GABRE: variants seen among roughly 807,000 people sequenced by gnomAD.
The protein encoded by GABRE is gamma-aminobutyric acid type A receptor subunit epsilon.
Under a neutral mutation model 31.0 loss-of-function variants are expected in GABRE, and 20 were observed. The ratio of observed to expected loss-of-function variants is 0.64; its 90% CI spans 0.45 to 0.94. The LOEUF is 0.94. Among genes scored for constraint, GABRE ranks in the 40% least tolerant of loss-of-function variants. The pLI is 0.00. For missense variants in GABRE, 420 were observed against 410.7 expected (o/e 1.02, Z -0.20); for synonymous variants, 155 against 150.6 (o/e 1.03, Z -0.21).
At chrX:151,973,387 T>C (rs780210506) in intron 1 of GABRE, among the ~76,000 whole-genome samples, 4 of 111,426 alleles carry the variant, frequency 3.6e-5, no homozygotes, top group Non-Finnish European at 7.5e-5. Flanking sequence ...TTGAGGGATG[T>C]GGATGACTGG....
chrX:151,955,045 G>A lies in GABRE; in HGVS notation c.1177C>T (p.Arg393Cys), dbSNP rs753240533. 1.0e-5 allele frequency: 12 copies of A among 1,200,849 alleles called. No homozygotes were observed. The African/African-American group carries it at 1.4e-4, about 14-fold the overall frequency. ...TGTTGGCGGGCACAGGCTCGGGAAC[G>A]TGCACGGGTACGGGCATGGGCACGG... Reference protein sequence around the residue: ...NSRAHARTRARSRACARQHQE... With the variant: ...NSRAHARTRACSRACARQHQE... Residue 393 changes from arginine to cysteine, a missense_variant, in exon 9 of 9, where the codon CGT (arginine) becomes TGT (cysteine). Physicochemically the swap from Arg to Cys is radical, Grantham distance 180. Coordinates refer to ENST00000370328, the MANE Select transcript of GABRE (RefSeq NM_004961.4).
Position 151,955,461 on chromosome X carries a change from G to A in GABRE, c.1044C>T (p.Phe348=), listed in dbSNP as rs780864713. 1.6e-5 allele frequency: 19 copies of A among 1,209,963 alleles called. No homozygotes were observed. In the East Asian group the frequency reaches 3.0e-4, roughly 19 times the overall value. ...CCAACAGAGCGCAGAAGCAGAAGAC[G>A]AAGCAGATGGCGATATAGAAATCCA... The part of the protein sequence containing the change: ...TALDFYIAIC[F]VFCFCALLEF... The change falls in exon 8 of 9, where the codon TTC becomes TTT. Residue 348 remains phenylalanine (F), a synonymous_variant. Transcript: ENST00000370328.
At chrX:151,974,483 G>T (rs1934834326) in intron 1 of GABRE, 87 bp downstream of exon 1, 3 of 645,300 alleles carry the variant, frequency 4.6e-6, no homozygotes, top group Admixed American at 9.1e-5. Context: ...AGGAACGCGG[G>T]GCCGCTGGGG....
At position 151,970,191 on chromosome X, in the gene GABRE, T is replaced by C; in HGVS notation, c.268A>G (p.Ile90Val). Residue 90 changes from isoleucine (I) to valine (V), a missense_variant, in exon 2 of 9, where the codon ATT (isoleucine) becomes GTT (valine). Physicochemically the swap from Ile to Val is conservative, Grantham distance 29. Coordinates refer to ENST00000370328, the MANE Select transcript of GABRE (RefSeq NM_004961.4). ...SNYDHKLRPG[I>V]GEKPTVVTVE... ...ACGTCGTTCTGCTCCTCACCTCCAATGCCAGGGCGCAGTTTGTGGTCATAA... is the reference window on the plus strand; with the variant it reads ...ACGTCGTTCTGCTCCTCACCTCCAACGCCAGGGCGCAGTTTGTGGTCATAA... 1 of 1,211,554 alleles carries C rather than the reference T, an allele frequency of 8.3e-7. No homozygotes were observed. The highest frequency in any genetic ancestry group is 1.1e-6 in the Non-Finnish European group (1 of 895,529).
chrX:151,962,794 T>C, intron 3 of GABRE, 151 bp from the exon 4 acceptor site: 1 of 484,822 alleles, frequency 2.1e-6, no homozygotes, highest in African/African-American at 2.4e-5. Flanking sequence ...AGGAGTCAGA[T>C]GAGGTCCCTT....
rs1172435225 is a variant in GABRE at position 151,970,350 on chromosome X, C to A, written c.109G>T (p.Val37Phe). The change falls in exon 2 of 9, where the codon GTC becomes TTC. Residue 37 changes from valine to phenylalanine, a missense_variant. Coordinates refer to ENST00000370328, the MANE Select transcript of GABRE (RefSeq NM_004961.4). ...AGAGGCTGGGGCTGGGGGCCATAGA[C>A]AACATCACGGGAAGAGGCTTCATTC... ...SKNEASSRDV[V>F]YGPQPQPLEN... 1.7e-6 allele frequency: 2 copies of A among 1,211,463 alleles called. No homozygotes were observed.
In GABRE at chrX:151,969,678, G is replaced by A. The variant is rs1367337051; in HGVS notation, c.333C>T (p.Ile111=). The change falls in exon 3 of 9, where the codon ATC becomes ATT. Residue 111 remains isoleucine, a synonymous_variant. Coordinates refer to ENST00000370328, the MANE Select transcript of GABRE (RefSeq NM_004961.4). ...ISVNSLGPLS[I]LDMEYTIDII... ...AAAGCTTAGTACTCACCATGTCTAG[G>A]ATAGAGAGAGGACCAAGGCTGTTGA... The A allele has an allele frequency of 6.6e-6, 8 of 1,207,897 alleles. No individual in the cohort carries two copies. Among genetic ancestry groups the A allele is most frequent in the African/African-American group, 1.8e-5 (1 of 56,971 alleles).
chrX:151,959,411 T>A, intron 6 of GABRE: 1 of 260,735 alleles, frequency 3.8e-6, no homozygotes, highest in Admixed American at 5.5e-5. Flanking sequence ...ACATTAGAAC[T>A]CTAGCCTCCA....
intron 3 of GABRE, among the ~76,000 whole-genome samples, chrX:151,967,665 T>C (rs1934564139): frequency 8.9e-6 from 1 of 112,750 alleles, no homozygotes; most frequent in African/African-American, 3.2e-5. Flanking sequence ...ATTCTCATAG[T>C]GGTAAACGCA....
At chrX:151,964,537 G>T (rs1271802458) in intron 3 of GABRE, among the ~76,000 whole-genome samples, 1 of 111,459 alleles carries the variant, frequency 9.0e-6, no homozygotes, top group African/African-American at 3.3e-5. Flanking sequence ...TCCATGGGCT[G>T]GGCTCTTCAT....
rs759876318 is a variant in GABRE, at chrX:151,961,319, T to C, written c.610A>G (p.Met204Val). The C allele has an allele frequency of 6.6e-6, 8 of 1,207,697 alleles. No homozygotes were observed. Among genetic ancestry groups the C allele is most frequent in the South Asian group, 1.8e-5 (1 of 56,795 alleles). The change falls in exon 5 of 9, where the codon ATG becomes GTG. Residue 204 changes from methionine to valine, a missense_variant. Transcript: ENST00000370328. ...GCSLHMLRFP[M>V]DSHSCPLSFS... ...GATAGAGGGCAAGAGTGAGAATCCATTGGAAATCTGAGCATGTGGAGTGAG... is the reference window on the plus strand; with the variant it reads ...GATAGAGGGCAAGAGTGAGAATCCACTGGAAATCTGAGCATGTGGAGTGAG...
intron 3 of GABRE, among the ~76,000 whole-genome samples, chrX:151,964,537 G>A (rs1271802458): frequency 9.0e-6 from 1 of 111,459 alleles, no homozygotes; most frequent in East Asian, 2.8e-4. Flanking sequence ...TCCATGGGCT[G>A]GGCTCTTCAT....
At chrX:151,957,229 C>G (rs1237964165) in intron 6 of GABRE, 1 of 213,077 alleles carries the variant, frequency 4.7e-6, no homozygotes, top group African/African-American at 3.0e-5. Context: ...ATCAACTGCC[C>G]AGCAGGTCTG....
intron 1 of GABRE, among the ~76,000 whole-genome samples, chrX:151,973,992 T>A (rs752686790): frequency 3.6e-5 from 4 of 111,007 alleles, no homozygotes; most frequent in Non-Finnish European, 5.7e-5. Context: ...TGCCTGAGAC[T>A]GGCACCAACA....
chrX:151,972,227 C>T, intron 1 of GABRE: 2 of 753,608 alleles, frequency 2.7e-6, no homozygotes, highest in East Asian at 1.5e-4. Flanking sequence ...GCCAAATCCA[C>T]ACCATTTCTC....
In GABRE at chrX:151,953,600, T is replaced by C. The variant is rs1934024105; in HGVS notation, c.*1101A>G. ...CATGAAGCTCCAATCAGACACAACTTGTCAAAAGTGCTTTGCCAAAGTTCC... is the reference window on the plus strand; with the variant it reads ...CATGAAGCTCCAATCAGACACAACTCGTCAAAAGTGCTTTGCCAAAGTTCC... On this transcript the variant is annotated 3_prime_UTR_variant, in exon 9 of 9. Transcript: ENST00000370328. 8.9e-6 allele frequency: 1 copy of C among 112,331 alleles called. No homozygotes were observed. The highest frequency in any genetic ancestry group is 1.9e-5 in the Non-Finnish European group (1 of 53,251). The allele number at this position is 112,331 out of a possible 1,213,427, so 9.3% of individuals were successfully genotyped here. A position where few individuals can be genotyped will look rare whatever the true frequency, so the allele number is the denominator to read the frequency against.
rs1176760690 is a variant in GABRE, at chrX:151,954,635, C to T, written c.*66G>A. The T allele has an allele frequency of 1.1e-6, 1 of 898,256 alleles. No homozygotes were observed. The allele number at this position is 898,256 out of a possible 1,213,427, so 74.0% of individuals were successfully genotyped here. A position where few individuals can be genotyped will look rare whatever the true frequency, so the allele number is the denominator to read the frequency against. ...TGCTGCTGCTGCTTTCCCCCAACTC[C>T]CTTGGCAAGGGGCTTGGACCTCCTG... is the stretch of plus-strand genomic sequence containing the variant. On this transcript the variant is annotated 3_prime_UTR_variant, in exon 9 of 9. Coordinates refer to ENST00000370328, the MANE Select transcript of GABRE (RefSeq NM_004961.4).
chrX:151,961,807 G>T (rs866528236), intron 4 of GABRE, among the ~76,000 whole-genome samples: 2 of 108,009 alleles, frequency 1.9e-5, no homozygotes, highest in African/African-American at 6.9e-5. Context: ...TAACAAGAGA[G>T]AAAACAAAAC....
In GABRE at chrX:151,954,514, G is replaced by C; in HGVS notation, c.*187C>G. 2.4e-6 allele frequency: 1 copy of C among 420,271 alleles called. No individual in the cohort carries two copies. Among genetic ancestry groups the C allele is most frequent in the Non-Finnish European group, 4.2e-6 (1 of 239,905 alleles). The allele number at this position is 420,271 out of a possible 1,213,427, so 34.6% of individuals were successfully genotyped here. A position where few individuals can be genotyped will look rare whatever the true frequency, so the allele number is the denominator to read the frequency against. ...TGAAATGGTCTGCTGAGAAGACTCA[G>C]TGAATGGGCCAGGTAGGGGAGAGGG... On this transcript the variant is annotated 3_prime_UTR_variant, in exon 9 of 9. Coordinates refer to ENST00000370328, the MANE Select transcript of GABRE (RefSeq NM_004961.4).
Sources: allele counts gnomAD v4.1 joint callset (sites outside exome capture counted in the v4.1 genomes callset), GRCh38; gene constraint gnomAD v4.1.1; transcripts MANE v1.5; gene names NCBI Gene and HGNC (gene_info 2026-07-23, HGNC 2026-07-21).